PSME4: variants seen among roughly 807,000 people sequenced by gnomAD.
PSME4 encodes the protein proteasome activator complex subunit 4.
A neutral mutation model predicts 253.9 loss-of-function variants in PSME4; 89 were observed. The observed-to-expected ratio is 0.35, with a 90% CI of 0.30 to 0.42. PSME4 has a LOEUF of 0.42. PSME4 is among the 10% of genes least tolerant of loss of function. The pLI is 1.00. For missense variants in PSME4, 2,014 were observed against 2,195.2 expected, an observed-to-expected ratio of 0.92 and a Z score of 1.65; for synonymous variants, 851 against 759.2, an observed-to-expected ratio of 1.12 and a Z score of -1.99.
In PSME4 at chr2:53,885,684, C is replaced by T. The variant is rs756199859; in HGVS notation, c.4815+6G>A. On this transcript the variant is annotated splice_donor_region_variant and intron_variant, in intron 41 of 46. Transcript: ENST00000404125. ...AGATGCATTCTTAATTTCAGCAAAACCTTACCTTGAAAAACAAAGGTAGAA... is the reference window on the plus strand; with the variant it reads ...AGATGCATTCTTAATTTCAGCAAAATCTTACCTTGAAAAACAAAGGTAGAA... 3.1e-6 allele frequency: 5 copies of T among 1,600,586 alleles called. No homozygotes were observed. Among genetic ancestry groups the T allele is most frequent in the Admixed American group, 1.7e-5 (1 of 59,934 alleles).
intron 2 of PSME4, 80 bp downstream of exon 2, chr2:53,949,063 C>T (rs941158914): frequency 2.1e-6 from 3 of 1,420,208 alleles, no homozygotes; most frequent in South Asian, 3.7e-5. Flanking sequence ...GGTCTTCTTA[C>T]CAAAAACACT....
rs779129865 is a variant in PSME4, at chr2:53,925,989, A to T, written c.1628T>A (p.Phe543Tyr). The T allele has an allele frequency of 2.5e-6, 4 of 1,613,532 alleles. No individual in the cohort carries two copies. In the Admixed American group the frequency reaches 6.7e-5, roughly 27 times the overall value. The change falls in exon 13 of 47, where the codon TTT (phenylalanine) becomes TAT (tyrosine). Residue 543 changes from phenylalanine to tyrosine, a missense_variant. Coordinates refer to ENST00000404125, the MANE Select transcript of PSME4 (RefSeq NM_014614.3). ...ERELCSATAE[F>Y]EDFVLQFMDR... is the part of the protein sequence containing the mutation. ...CATAAACTGTAAGACGAAATCCTCA[A>T]ATTCAGCTGTGGCTGAACAAAGTTC...
At chr2:53,920,048 T>C (rs1290017703) in intron 19 of PSME4, 145 bp downstream of exon 19, 1 of 744,944 alleles carries the variant, frequency 1.3e-6, no homozygotes, top group Non-Finnish European at 2.0e-6. Flanking sequence ...TTATACAACA[T>C]TATATTAAAT....
At position 53,920,281 on chromosome 2, in the gene PSME4, A is replaced by G. The variant is rs1274445150; in HGVS notation, c.2332T>C (p.Ser778Pro). 1 of 1,613,846 alleles carries G rather than the reference A, an allele frequency of 6.2e-7. No homozygotes were observed. The highest frequency in any genetic ancestry group is 1.3e-5 in the African/African-American group (1 of 74,918). The change falls in exon 19 of 47, where the codon TCT becomes CCT. Residue 778 changes from serine (S) to proline (P), a missense_variant. Physicochemically the swap from Ser to Pro is moderately conservative, Grantham distance 74 (BLOSUM62 -1). Transcript: ENST00000404125. The stretch of plus-strand genomic sequence containing the variant: ...GAGTCCAAAAGATAAAAGGCAAAAG[A>G]CACTTCTTCTGAAGAAGGAACATGC... Reference protein sequence around the residue: ...QWHVPSSEEVSFAFYLLDSFL... With the variant: ...QWHVPSSEEVPFAFYLLDSFL...
At position 53,922,557 on chromosome 2, in the gene PSME4, A is replaced by G. The variant is rs1668374395; in HGVS notation, c.2006T>C (p.Leu669Pro). The change falls in exon 17 of 47, where the codon CTA (leucine) becomes CCA (proline). Residue 669 changes from leucine (L) to proline (P), a missense_variant. Leu to Pro is a moderately conservative substitution (Grantham distance 98). This residue lies in a region of PSME4 where 989 missense variants were observed against 1,021.1 expected (regional missense o/e 0.97). Coordinates refer to ENST00000404125, the MANE Select transcript of PSME4 (RefSeq NM_014614.3). Reference protein sequence around the residue: ...MNDDVLNDEELDKELLWNLQL... With the variant: ...MNDDVLNDEEPDKELLWNLQL... ...AAGATTCCATAGTAATTCCTTGTCT[A>G]GCTCTTCATCATTTAATACATCATC... 6.2e-7 allele frequency: 1 copy of G among 1,613,098 alleles called. No homozygotes were observed. The highest frequency in any genetic ancestry group is 8.5e-7 in the Non-Finnish European group (1 of 1,179,628).
rs758439230 is a variant in PSME4, at chr2:53,896,903, T to C, written c.3607-18A>G. The C allele has an allele frequency of 6.4e-7, 1 of 1,570,758 alleles. No homozygotes were observed. Among genetic ancestry groups the C allele is most frequent in the South Asian group, 1.1e-5 (1 of 89,622 alleles). On this transcript the variant is annotated intron_variant, in intron 31 of 46. Coordinates refer to ENST00000404125, the MANE Select transcript of PSME4 (RefSeq NM_014614.3). Reference sequence around the variant, plus strand: ...ATAGCCATCTAGAAAAGGAAAAAGGTACACATTCATAAAAAAAAGTTTAAA... The same window carrying C: ...ATAGCCATCTAGAAAAGGAAAAAGGCACACATTCATAAAAAAAAGTTTAAA...
chr2:53,888,395 C>T (rs1679739227), intron 38 of PSME4: 2 of 255,946 alleles, frequency 7.8e-6, no homozygotes, highest in Non-Finnish European at 1.5e-5. Flanking sequence ...TTCTTTGTAT[C>T]TTTTTAACAG....
chr2:53,959,037 T>C (rs1476065814), intron 1 of PSME4, among the ~76,000 whole-genome samples: 2 of 152,148 alleles, frequency 1.3e-5, no homozygotes, highest in Non-Finnish European at 2.9e-5. Flanking sequence ...ACTTAAGAGC[T>C]GGGCGTGGTG....
intron 41 of PSME4, among the ~76,000 whole-genome samples, chr2:53,879,179 T>C (rs777976021): frequency 2.7e-5 from 4 of 150,468 alleles, no homozygotes; most frequent in Non-Finnish European, 5.9e-5. Flanking sequence ...TCTACCCTCC[T>C]ACCTCAAAGA....
At position 53,901,471 on chromosome 2, in the gene PSME4, G is replaced by A. The variant is rs369867748; in HGVS notation, c.3164C>T (p.Ala1055Val). Residue 1055 changes from alanine to valine, a missense_variant, in exon 28 of 47, where the codon GCG (alanine) becomes GTG (valine). Physicochemically the swap from Ala to Val is moderately conservative, Grantham distance 64 (BLOSUM62 0). This residue lies in a region of PSME4 where 989 missense variants were observed against 1,021.1 expected (regional missense o/e 0.97). Transcript: ENST00000404125. ...DWDCIVQTWP[A>V]IVSSGLSQAM... ...TTGGCTAAGCCCTGAAGAAACAATC[G>A]CTGGCCACGTCTGTACAATACAGTC... The A allele has an allele frequency of 1.2e-5, 20 of 1,613,876 alleles. No individual in the cohort carries two copies. The highest frequency in any genetic ancestry group is 2.7e-5 in the African/African-American group (2 of 74,976).
At chr2:53,944,093 G>A (rs937301812) in intron 3 of PSME4, among the ~76,000 whole-genome samples, 3 of 152,040 alleles carry the variant, frequency 2.0e-5, no homozygotes, top group Non-Finnish European at 2.9e-5. Flanking sequence ...AGTTTTTAAA[G>A]AAAGAACACT....
intron 7 of PSME4, among the ~76,000 whole-genome samples, 186 bp from the exon 8 acceptor site, chr2:53,934,913 G>A (rs1335530019): frequency 6.6e-6 from 1 of 152,180 alleles, no homozygotes; most frequent in Non-Finnish European, 1.5e-5. Flanking sequence ...ATCAACAGAT[G>A]TGCTGTATGA....
intron 3 of PSME4, among the ~76,000 whole-genome samples, chr2:53,940,992 T>TAC (rs1669426389): frequency 1.1e-5 from 1 of 91,474 alleles, no homozygotes; most frequent in Non-Finnish European, 2.3e-5. Flanking sequence ...TATATATATA[T>TAC]ATATATATGA....
intron 1 of PSME4, among the ~76,000 whole-genome samples, chr2:53,969,782 T>C (rs1442247066): frequency 6.6e-6 from 1 of 151,864 alleles, no homozygotes; most frequent in East Asian, 1.9e-4. Flanking sequence ...TCTCTTAATC[T>C]GAGTAACTCA....
intron 32 of PSME4, among the ~76,000 whole-genome samples, chr2:53,896,549 A>T (rs1172334058): frequency 1.3e-5 from 2 of 152,206 alleles, no homozygotes; most frequent in Non-Finnish European, 2.9e-5. Context: ...AAGTCTTTGA[A>T]ATACAGTTGA....
chr2:53,969,666 T>C (rs60121730), intron 1 of PSME4, among the ~76,000 whole-genome samples: 1 of 134,356 alleles, frequency 7.4e-6, no homozygotes, highest in African/African-American at 2.8e-5. Context: ...TAACCTTTTT[T>C]CCCCCACTGT....
intron 7 of PSME4, 118 bp downstream of exon 7, chr2:53,935,969 C>G (rs1573328041): frequency 7.2e-7 from 1 of 1,379,974 alleles, no homozygotes; most frequent in Non-Finnish European, 9.5e-7. Context: ...TCTTGGCTCA[C>G]TGCAACCTCA....
At position 53,892,892 on chromosome 2, in the gene PSME4, T is replaced by G. The variant is rs1398517985; in HGVS notation, c.4107A>C (p.Ala1369=). 1 of 1,613,774 alleles carries G rather than the reference T, an allele frequency of 6.2e-7. No homozygotes were observed. The highest frequency in any genetic ancestry group is 1.3e-5 in the African/African-American group (1 of 74,918). Residue 1369 remains alanine (A), a synonymous_variant, in exon 36 of 47, where the codon GCA becomes GCC. Coordinates refer to ENST00000404125, the MANE Select transcript of PSME4 (RefSeq NM_014614.3). ...ATCGCTGGGTGCTTTCATGTGAATC[T>G]GCAACCAAATGTTCTAAATGGGGCT... The part of the protein sequence containing the change: ...VLKPHLEHLV[A]DSHESTQRCV...
chr2:53,961,278 C>T (rs1670485303), intron 1 of PSME4, among the ~76,000 whole-genome samples: 1 of 152,142 alleles, frequency 6.6e-6, no homozygotes, highest in Non-Finnish European at 1.5e-5. Context: ...TTTTTACTAC[C>T]ATGCTCTCAG....
Sources: gnomAD v4.1 joint callset for allele counts (sites outside exome capture counted in the v4.1 genomes callset) on GRCh38, gnomAD v4.1.1 for gene constraint, gnomAD v4.1.1 regional missense constraint, MANE v1.5 for transcripts, NCBI Gene and HGNC (gene_info 2026-07-23, HGNC 2026-07-21) for gene names.